NCOA2: variants seen among roughly 807,000 people sequenced by gnomAD.
NCOA2 encodes the protein class E basic helix-loop-helix protein 75.
Under a neutral mutation model 145.1 loss-of-function variants are expected in NCOA2, and 21 were observed. The observed-to-expected ratio is 0.14, with a 90% CI of 0.10 to 0.21. NCOA2 has a LOEUF of 0.21. Among genes scored for constraint, NCOA2 ranks in the 10% least tolerant of loss-of-function variants. The pLI is 1.00. For missense variants in NCOA2, 1,472 were observed against 1,837.6 expected (o/e 0.80, Z 3.64); for synonymous variants, 619 against 637.5 (o/e 0.97, Z 0.44).
intron 15 of NCOA2, among the ~76,000 whole-genome samples, chr8:70,133,325 C>T (rs967310733): frequency 2.0e-5 from 3 of 151,510 alleles, no homozygotes; most frequent in African/African-American, 7.3e-5. Flanking sequence ...TAAAGGAATC[C>T]TTCTACCTCA....
chr8:70,437,560 A>G, the NCOA2 span, among the ~76,000 whole-genome samples: 1 of 152,252 alleles, frequency 6.6e-6, no homozygotes, highest in Admixed American at 6.5e-5. Flanking sequence ...GATGACATAC[A>G]AATTGTCCAA....
At chr8:70,160,257 T>C (rs1446740241) in intron 9 of NCOA2, among the ~76,000 whole-genome samples, 1 of 152,122 alleles carries the variant, frequency 6.6e-6, no homozygotes, top group Non-Finnish European at 1.5e-5. Context: ...GAAGAATCTA[T>C]TCAGAGAAAA....
chr8:70,413,941 G>A, the NCOA2 span, among the ~76,000 whole-genome samples: 1 of 151,982 alleles, frequency 6.6e-6, no homozygotes, highest in Non-Finnish European at 1.5e-5. Context: ...CCTTTTAGAT[G>A]ATTAATGTCC....
chr8:70,349,035 G>C (rs891500562), intron 1 of NCOA2, among the ~76,000 whole-genome samples: 1 of 151,442 alleles, frequency 6.6e-6, no homozygotes, highest in African/African-American at 2.4e-5. Context: ...AAAGGGGAAG[G>C]AAAGTTAGCA....
At chr8:70,437,478 G>A in the NCOA2 span, among the ~76,000 whole-genome samples, 1 of 152,218 alleles carries the variant, frequency 6.6e-6, no homozygotes, top group African/African-American at 2.4e-5. Context: ...AAGCACAGAG[G>A]TGTGTTTGGA....
chr8:70,370,197 AT>A (rs1811086797), intron 1 of NCOA2, among the ~76,000 whole-genome samples: 3 of 152,166 alleles, frequency 2.0e-5, no homozygotes, highest in Non-Finnish European at 4.4e-5. Flanking sequence ...TAAACTAAAT[AT>A]TTAAAAACAC....
chr8:70,157,289 AG>A, intron 10 of NCOA2, 49 bp from the exon 11 acceptor site: 1 of 1,473,708 alleles, frequency 6.8e-7, no homozygotes, highest in East Asian at 2.3e-5. Flanking sequence ...AAAAATACTT[AG>A]CAAGTTGTTA....
intron 4 of NCOA2, among the ~76,000 whole-genome samples, chr8:70,190,033 A>G (rs1464825364): frequency 1.3e-5 from 2 of 152,176 alleles, no homozygotes; most frequent in Non-Finnish European, 2.9e-5. Context: ...TTCCATCAAC[A>G]CACCAGGAAC....
chr8:70,152,039 A>G (rs2132110795), intron 11 of NCOA2, among the ~76,000 whole-genome samples: 1 of 152,314 alleles, frequency 6.6e-6, no homozygotes, highest in South Asian at 2.1e-4. Context: ...GTTAGGCACA[A>G]TTTCTTTACA....
intron 1 of NCOA2, among the ~76,000 whole-genome samples, chr8:70,371,988 A>G (rs1811264653): frequency 6.6e-6 from 1 of 152,234 alleles, no homozygotes; most frequent in Admixed American, 6.5e-5. Flanking sequence ...GTGTATCTTT[A>G]TAATTTTTTT....
intron 15 of NCOA2, among the ~76,000 whole-genome samples, chr8:70,132,217 G>T (rs925177300): frequency 2.6e-5 from 4 of 152,206 alleles, no homozygotes; most frequent in African/African-American, 9.7e-5. Context: ...GACATTTAAG[G>T]TATGATTTTT....
At chr8:70,176,281 C>T (rs539716968) in intron 4 of NCOA2, among the ~76,000 whole-genome samples, 1 of 152,314 alleles carries the variant, frequency 6.6e-6, no homozygotes, top group African/African-American at 2.4e-5. Context: ...TTTATCAACT[C>T]TCTAATATAT....
intron 1 of NCOA2, among the ~76,000 whole-genome samples, chr8:70,365,381 G>C (rs144687888): frequency 6.6e-6 from 1 of 152,086 alleles, no homozygotes; most frequent in East Asian, 1.9e-4. Context: ...AAAAAAACAG[G>C]TATGACAACC....
intron 1 of NCOA2, among the ~76,000 whole-genome samples, chr8:70,300,811 T>G (rs986342646): frequency 6.6e-6 from 1 of 152,208 alleles, no homozygotes; most frequent in Non-Finnish European, 1.5e-5. Context: ...TTAACAACAA[T>G]GTAACAATAG....
intron 2 of NCOA2, among the ~76,000 whole-genome samples, chr8:70,232,530 C>T (rs1320186273): frequency 1.3e-5 from 2 of 152,110 alleles, no homozygotes; most frequent in Non-Finnish European, 2.9e-5. Flanking sequence ...TCCCTTCTTC[C>T]TGCTTAGAAA....
chr8:70,356,722 G>A (rs1050171405), intron 1 of NCOA2, among the ~76,000 whole-genome samples: 1 of 152,174 alleles, frequency 6.6e-6, no homozygotes, highest in Non-Finnish European at 1.5e-5. Flanking sequence ...CAGCAGAGGA[G>A]AAATAACTTC....
At chr8:70,192,066 C>A (rs1440501338) in intron 4 of NCOA2, among the ~76,000 whole-genome samples, 2 of 151,912 alleles carry the variant, frequency 1.3e-5, no homozygotes, top group East Asian at 3.9e-4. Context: ...AAAATAAAAA[C>A]AAAAAATAAA....
At chr8:70,414,114 C>T in the NCOA2 span, among the ~76,000 whole-genome samples, 2 of 152,128 alleles carry the variant, frequency 1.3e-5, no homozygotes, top group East Asian at 1.9e-4. Flanking sequence ...TATAAAACAA[C>T]AAAAGCTAAC....
chr8:70,157,249 C>T lies in NCOA2; in HGVS notation c.1125-9G>A, dbSNP rs370367757. ...CACACACATTCTGCTCTCTGTATAA[C>T]GAGAAAAGAAAAAAATGTAAGATAA... On this transcript the variant is annotated splice_polypyrimidine_tract_variant and intron_variant, in intron 10 of 22. Coordinates refer to ENST00000452400, the MANE Select transcript of NCOA2 (RefSeq NM_006540.4). 25 of 1,495,654 alleles carry T rather than the reference C, an allele frequency of 1.7e-5. No individual in the cohort carries two copies. Among genetic ancestry groups the T allele is most frequent in the East Asian group, 2.3e-5 (1 of 43,644 alleles). 92.6% of individuals were successfully genotyped at this position (1,495,654 alleles called of 1,614,324 possible).
Sources: gnomAD v4.1 joint callset for allele counts (sites outside exome capture counted in the v4.1 genomes callset) on GRCh38, gnomAD v4.1.1 for gene constraint, MANE v1.5 for transcripts, NCBI Gene and HGNC (gene_info 2026-07-23, HGNC 2026-07-21) for gene names.